Variants in RBFOX2 observed in about 807,000 individuals in gnomAD.
RBFOX2 encodes the protein RNA binding fox-1 homolog 2, also known as RNA binding protein fox-1 homolog 2.
RBFOX2 carries 10 observed loss-of-function variants against 49.1 expected under a neutral mutation model. That is an observed-to-expected ratio of 0.20 (90% CI 0.13 to 0.35). RBFOX2 has a LOEUF of 0.35. Ranked by LOEUF, RBFOX2 falls within the 10% of genes least tolerant of loss-of-function variation. The pLI is 1.00. For missense variants in RBFOX2, 323 were observed against 486.9 expected (o/e 0.66, Z 3.17); for synonymous variants, 183 against 187.4 (o/e 0.98, Z 0.19).
exon 1 of RBFOX2, among the ~76,000 whole-genome samples, chr22:36,028,821 G>T (rs1035825495): frequency 7.9e-5 from 12 of 152,074 alleles, no homozygotes; most frequent in Non-Finnish European, 1.3e-4. Flanking sequence ...GAAGGGGGCG[G>T]TCCGGGCTCC....
intron 4 of RBFOX2, among the ~76,000 whole-genome samples, chr22:35,774,780 TTA>T (rs1943490272): frequency 6.6e-6 from 1 of 152,228 alleles, no homozygotes; most frequent in African/African-American, 2.4e-5. Flanking sequence ...CACCGTTTAC[TTA>T]TGTTTTCAAA....
intron 1 of RBFOX2, among the ~76,000 whole-genome samples, chr22:36,002,712 C>T (rs2058475419): frequency 6.6e-6 from 1 of 152,262 alleles, no homozygotes; most frequent in Admixed American, 6.5e-5. Context: ...CAACCTCTGC[C>T]TCCCAGGTTC....
At position 36,015,819 on chromosome 22, in the gene RBFOX2, C is replaced by T. The variant is rs190250159; in HGVS notation, c.186+12421G>A. 7.9e-5 allele frequency among the ~76,000 whole-genome samples: 12 copies of T among 152,222 alleles called. No individual in the cohort carries two copies. The East Asian group carries it at 2.3e-3, about 29-fold the overall frequency. On this transcript the variant is annotated intron_variant, in intron 1 of 13. Coordinates refer to the RBFOX2 transcript ENST00000438146. ...CTTTTACCCGAAATTATTACTTACC[C>T]TCCCAAGAATTTTTGTGGACCACTG...
rs1947881555 is a variant in RBFOX2, at chr22:35,792,330, A to AG, written c.253-10585_253-10584insC. On this transcript the variant is annotated intron_variant, in intron 2 of 11. Coordinates refer to ENST00000405409, the Ensembl canonical transcript of RBFOX2. Reference sequence around the variant, plus strand: ...AACTCCGTCTCAAAAAAAAAAAAAAAAAAAGAAAAGAAAAGAAAAGAAAAG... The same window carrying AG: ...AACTCCGTCTCAAAAAAAAAAAAAAAGAAAAGAAAAGAAAAGAAAAGAAAAG... Among the ~76,000 whole-genome samples, 5 of 136,428 alleles carry AG rather than the reference A, an allele frequency of 3.7e-5. No homozygotes were observed. The East Asian group carries it at 6.1e-4, about 17-fold the overall frequency. 89.5% of individuals were successfully genotyped at this position (136,428 alleles called of 152,430 possible).
At chr22:35,836,728 C>A (rs1173804986) in intron 1 of RBFOX2, among the ~76,000 whole-genome samples, 1 of 152,220 alleles carries the variant, frequency 6.6e-6, no homozygotes, top group Non-Finnish European at 1.5e-5. Flanking sequence ...TCTTTCACAT[C>A]CATACTGTAA....
At chr22:35,836,131 A>T (rs1038780880) in intron 1 of RBFOX2, among the ~76,000 whole-genome samples, 5 of 152,144 alleles carry the variant, frequency 3.3e-5, no homozygotes, top group Non-Finnish European at 5.9e-5. Context: ...CATGACTGGC[A>T]GGCAACCGAA....
chr22:35,749,515 A>AAACACG lies in RBFOX2; in HGVS notation c.888-2955_888-2954insCGTGTT, dbSNP rs1425158168. 6.6e-6 allele frequency among the ~76,000 whole-genome samples: 1 copy of AAACACG among 152,174 alleles called. No homozygotes were observed. The highest frequency in any genetic ancestry group is 1.5e-5 in the Non-Finnish European group (1 of 68,018). On this transcript the variant is annotated intron_variant, in intron 9 of 11. Coordinates refer to ENST00000405409, the Ensembl canonical transcript of RBFOX2. The surrounding 1 kb of genome is among the most constrained non-coding windows in gnomAD (Gnocchi z 4.1). ...ATTCCTCTCTCTCTCTCTTACACAC[A>AAACACG]CACACGCACACACACACATACACTT...
At chr22:35,987,700 G>A (rs937249461) in intron 1 of RBFOX2, among the ~76,000 whole-genome samples, 2 of 152,118 alleles carry the variant, frequency 1.3e-5, no homozygotes, top group African/African-American at 4.8e-5. Context: ...CCCATGAGAG[G>A]AGGCAGCAAT....
chr22:35,756,796 C>G (rs1006438102), intron 9 of RBFOX2, among the ~76,000 whole-genome samples: 3 of 151,800 alleles, frequency 2.0e-5, no homozygotes, highest in Non-Finnish European at 4.4e-5. Flanking sequence ...TTTTAAGAAC[C>G]AATGCAACAC....
chr22:35,784,738 C>G (rs1485045020), intron 2 of RBFOX2, among the ~76,000 whole-genome samples: 2 of 152,210 alleles, frequency 1.3e-5, no homozygotes, highest in Non-Finnish European at 2.9e-5. Context: ...TGCCCTTCAC[C>G]ATCTTGAGGG....
intron 1 of RBFOX2, among the ~76,000 whole-genome samples, chr22:35,990,073 C>T (rs1368129840): frequency 6.6e-6 from 1 of 152,178 alleles, no homozygotes; most frequent in Admixed American, 6.5e-5. Flanking sequence ...ATTCCAGCTA[C>T]TCAGGAGGCT....
intron 1 of RBFOX2, among the ~76,000 whole-genome samples, chr22:35,893,467 C>T (rs1032645627): frequency 3.3e-5 from 5 of 152,160 alleles, no homozygotes; most frequent in Admixed American, 3.3e-4. Flanking sequence ...CTCTTCCAAA[C>T]AAATCAAAAG....
intron 1 of RBFOX2, among the ~76,000 whole-genome samples, chr22:35,937,779 C>T (rs1451222693): frequency 2.0e-5 from 3 of 151,946 alleles, no homozygotes; most frequent in Non-Finnish European, 2.9e-5. Flanking sequence ...TTAGTAGAGC[C>T]GGGGTTTCAC....
chr22:35,908,588 T>C (rs866840727), intron 1 of RBFOX2, among the ~76,000 whole-genome samples: 6 of 152,204 alleles, frequency 3.9e-5, no homozygotes, highest in Non-Finnish European at 5.9e-5. Context: ...TTTTGTACCA[T>C]TGTAAAGTCA....
At chr22:35,803,390 T>C (rs1364279369) in intron 2 of RBFOX2, among the ~76,000 whole-genome samples, 2 of 152,174 alleles carry the variant, frequency 1.3e-5, no homozygotes, top group Non-Finnish European at 1.5e-5. Context: ...ATTTTTAAAA[T>C]TAAGGCTGGG....
intron 2 of RBFOX2, among the ~76,000 whole-genome samples, chr22:35,795,520 G>A (rs1429624549): frequency 6.7e-6 from 1 of 150,190 alleles, no homozygotes; most frequent in Non-Finnish European, 1.5e-5. Context: ...AATCTGCAAG[G>A]CACCTTCAAC....
chr22:35,884,240 G>T (rs185212204), intron 1 of RBFOX2, among the ~76,000 whole-genome samples: 1 of 151,970 alleles, frequency 6.6e-6, no homozygotes, highest in African/African-American at 2.4e-5. Context: ...CAAGCGATCC[G>T]CCTGCCTCGG....
At chr22:35,809,664 G>A (rs1951449448) in intron 2 of RBFOX2, 116 bp downstream of exon 3, 4 of 1,116,920 alleles carry the variant, frequency 3.6e-6, no homozygotes. Flanking sequence ...AGGTGTAAAT[G>A]AGAACAGGTG....
chr22:35,760,604 A>G (rs1023514538), intron 8 of RBFOX2, among the ~76,000 whole-genome samples: 9 of 152,228 alleles, frequency 5.9e-5, no homozygotes, highest in Non-Finnish European at 1.2e-4. Context: ...GGTGAGGGAA[A>G]CAACTCCTAC....
Sources: gnomAD v4.1 joint callset for allele counts (sites outside exome capture counted in the v4.1 genomes callset) on GRCh38, gnomAD v4.1.1 for gene constraint, Gnocchi (gnomAD v3.1) non-coding constraint, MANE v1.5 for transcripts, NCBI Gene and HGNC (gene_info 2026-07-23, HGNC 2026-07-21) for gene names.